Variants in CACNA2D3 observed in about 807,000 individuals in gnomAD.
CACNA2D3 encodes the protein voltage-dependent calcium channel subunit alpha-2/delta-3.
Under a neutral mutation model 160.6 loss-of-function variants are expected in CACNA2D3, and 60 were observed. The ratio of observed to expected loss-of-function variants is 0.37; its 90% CI spans 0.30 to 0.46. The LOEUF (loss-of-function observed/expected upper bound fraction) is 0.46. Among genes scored for constraint, CACNA2D3 ranks in the 20% least tolerant of loss-of-function variants. The pLI, the probability that CACNA2D3 is intolerant of heterozygous loss-of-function variation, is 1.00. For missense variants in CACNA2D3, 1,205 were observed against 1,365.0 expected (o/e 0.88, Z 1.85); for synonymous variants, 558 against 492.9 (o/e 1.13, Z -1.75).
chr3:54,272,433 G>A (rs1702640358), intron 2 of CACNA2D3, among the ~76,000 whole-genome samples: 1 of 152,110 alleles, frequency 6.6e-6, no homozygotes, highest in Non-Finnish European at 1.5e-5. Context: ...CATGTCTTTA[G>A]CATCAAATGT....
rs1181056443 is a variant in CACNA2D3 at position 54,821,641 on chromosome 3, GTTCTTTCTTTCTTTCTTTCT to G, written c.1398+4811_1398+4830del. On this transcript the variant is annotated intron_variant, in intron 14 of 37. Transcript: ENST00000474759. Reference sequence around the variant, plus strand: ...AGCCTTCGTTTTTCTAGAGTCTTTCGTTCTTTCTTTCTTTCTTTCTTTCTTTCTTTCTTTCTTTCTTTCTT... The same window carrying G: ...AGCCTTCGTTTTTCTAGAGTCTTTCGTTCTTTCTTTCTTTCTTTCTTTCTT... 5.3e-3 allele frequency among the ~76,000 whole-genome samples: 572 copies of G among 107,916 alleles called. 1 individual carries two copies. Among genetic ancestry groups the G allele is most frequent in the South Asian group, 9.1e-3 (28 of 3,068 alleles). The allele number at this position is 107,916 out of a possible 152,430, so 70.8% of individuals were successfully genotyped here.
intron 11 of CACNA2D3, among the ~76,000 whole-genome samples, chr3:54,665,344 A>G (rs1275733470): frequency 6.6e-6 from 1 of 152,212 alleles, no homozygotes; most frequent in Admixed American, 6.5e-5. Context: ...TAAGCTCAAG[A>G]TAATGAAATG....
chr3:54,211,565 C>T (rs1000313648), intron 2 of CACNA2D3, among the ~76,000 whole-genome samples: 1 of 152,262 alleles, frequency 6.6e-6, no homozygotes, highest in East Asian at 1.9e-4. Flanking sequence ...GAACCTTACC[C>T]CTGAATGACA....
At chr3:54,582,263 G>T (rs1702690209) in intron 9 of CACNA2D3, among the ~76,000 whole-genome samples, 1 of 152,164 alleles carries the variant, frequency 6.6e-6, no homozygotes, top group African/African-American at 2.4e-5. Context: ...TGGGGTAACT[G>T]TTGGGGTAAC....
chr3:54,406,484 G>A (rs545239061), intron 4 of CACNA2D3, among the ~76,000 whole-genome samples: 82 of 152,150 alleles, frequency 5.4e-4, no homozygotes, highest in Non-Finnish European at 9.7e-4. Flanking sequence ...CCTTAAAAAA[G>A]GAGGAGGTCT....
chr3:54,514,925 A>G (rs1701523364), intron 5 of CACNA2D3, among the ~76,000 whole-genome samples: 1 of 152,210 alleles, frequency 6.6e-6, no homozygotes, highest in Non-Finnish European at 1.5e-5. Flanking sequence ...TCTACCTGAG[A>G]TGTTCAAGGA....
intron 20 of CACNA2D3, among the ~76,000 whole-genome samples, chr3:54,879,936 G>T (rs1439277486): frequency 6.6e-6 from 1 of 152,176 alleles, no homozygotes; most frequent in Non-Finnish European, 1.5e-5. Context: ...GCTTTCAGAT[G>T]TGTATGTAGC....
intron 11 of CACNA2D3, among the ~76,000 whole-genome samples, chr3:54,646,445 T>A (rs1436891049): frequency 6.6e-6 from 1 of 151,806 alleles, no homozygotes; most frequent in African/African-American, 2.4e-5. Flanking sequence ...TTTGCCCCCA[T>A]GTGTCCATGT....
intron 27 of CACNA2D3, among the ~76,000 whole-genome samples, chr3:54,948,073 G>GA (rs1701659070): frequency 6.6e-6 from 1 of 152,188 alleles, no homozygotes; most frequent in Non-Finnish European, 1.5e-5. Flanking sequence ...AGGAGATGGT[G>GA]ATGTCCAGGT....
At position 54,387,378 on chromosome 3, in the gene CACNA2D3, G is replaced by A. The variant is rs370658047; in HGVS notation, c.381+604G>A. 5.1e-4 allele frequency among the ~76,000 whole-genome samples: 78 copies of A among 152,318 alleles called. 1 individual carries two copies. The South Asian group carries it at 0.016, about 32-fold the overall frequency. ...TAATACTTGGAGGTTCCAGCTGGGT[G>A]TGGTGGCTCATGCCTGTAATCCTAG... On this transcript the variant is annotated intron_variant, in intron 4 of 37. Transcript: ENST00000474759.
At chr3:54,999,657 C>G (rs558531004) in intron 31 of CACNA2D3, among the ~76,000 whole-genome samples, 4 of 152,156 alleles carry the variant, frequency 2.6e-5, no homozygotes, top group Admixed American at 2.6e-4. Flanking sequence ...CCTGGCCTCA[C>G]GGTACATAGT....
chr3:54,501,132 G>A (rs533971014), intron 4 of CACNA2D3, among the ~76,000 whole-genome samples: 16 of 152,280 alleles, frequency 1.1e-4, no homozygotes, highest in Non-Finnish European at 1.0e-4. Flanking sequence ...ATTCATGAGG[G>A]AGGAGCCCTC....
chr3:54,347,390 A>G (rs2107530117), intron 3 of CACNA2D3, among the ~76,000 whole-genome samples: 1 of 152,352 alleles, frequency 6.6e-6, no homozygotes, highest in Admixed American at 6.5e-5. Context: ...GGGGAGCTGT[A>G]ATATGAAATC....
chr3:54,345,103 A>G (rs1180016748), intron 3 of CACNA2D3, among the ~76,000 whole-genome samples: 1 of 152,242 alleles, frequency 6.6e-6, no homozygotes, highest in Non-Finnish European at 1.5e-5. Flanking sequence ...AGAAATAACC[A>G]TAAAAATGCA....
At chr3:54,779,671 TCTC>T (rs1702495716) in intron 13 of CACNA2D3, among the ~76,000 whole-genome samples, 1 of 152,228 alleles carries the variant, frequency 6.6e-6, no homozygotes, top group East Asian at 1.9e-4. Flanking sequence ...TGAACATTCT[TCTC>T]CTTCTGAACT....
intron 13 of CACNA2D3, chr3:54,790,019 T>C: frequency 2.7e-6 from 1 of 364,458 alleles, no homozygotes; most frequent in Non-Finnish European, 5.5e-6. Context: ...ATGATTTCAC[T>C]TTCCTTCCTA....
At chr3:54,172,669 C>T (rs1700599931) in intron 2 of CACNA2D3, among the ~76,000 whole-genome samples, 1 of 152,128 alleles carries the variant, frequency 6.6e-6, no homozygotes, top group Admixed American at 6.6e-5. Context: ...TTTGACTTAA[C>T]AAAACTGCCC....
intron 11 of CACNA2D3, among the ~76,000 whole-genome samples, chr3:54,663,820 A>G (rs1023068304): frequency 2.0e-5 from 3 of 152,316 alleles, no homozygotes; most frequent in African/African-American, 7.2e-5. Flanking sequence ...AGAGGGGGTC[A>G]TCTGCATGCA....
chr3:54,568,153 C>G lies in CACNA2D3; in HGVS notation c.677-1642C>G, dbSNP rs17054152. Reference sequence around the variant, plus strand: ...TTTCTTTTCACAAGCTAAAAGAGAACAGGAAGTCATAGGTTGTCTTAAATG... The same window carrying G: ...TTTCTTTTCACAAGCTAAAAGAGAAGAGGAAGTCATAGGTTGTCTTAAATG... On this transcript the variant is annotated intron_variant, in intron 6 of 37. Transcript: ENST00000474759. Among the ~76,000 whole-genome samples the G allele has an allele frequency of 5.9e-3, 903 of 152,248 alleles. 26 individuals carry two copies. Among genetic ancestry groups the G allele is most frequent in the Admixed American group, 0.043 (651 of 15,282 alleles).
Sources: allele counts gnomAD v4.1 joint callset (sites outside exome capture counted in the v4.1 genomes callset), GRCh38; gene constraint gnomAD v4.1.1; transcripts MANE v1.5; gene names NCBI Gene and HGNC (gene_info 2026-07-23, HGNC 2026-07-21).